The following ATCAY variants were observed in gnomAD, a reference collection of about 807,000 sequenced individuals.
ATCAY encodes ATCAY kinesin light chain interacting caytaxin, also known as caytaxin.
A neutral mutation model predicts 47.7 loss-of-function variants in ATCAY; 22 were observed. The ratio of observed to expected loss-of-function variants is 0.46; its 90% CI spans 0.33 to 0.66. The LOEUF (loss-of-function observed/expected upper bound fraction) is 0.66, where lower values mean the gene tolerates loss of function less well. Among genes scored for constraint, ATCAY ranks in the 30% least tolerant of loss-of-function variants. ATCAY has a pLI of 0.02. For missense variants in ATCAY, 452 were observed against 515.0 expected (o/e 0.88, Z 1.18); for synonymous variants, 216 against 207.6 (o/e 1.04, Z -0.35).
intron 8 of ATCAY, among the ~76,000 whole-genome samples, chr19:3,912,252 C>T (rs912787885): frequency 3.3e-5 from 5 of 152,134 alleles, no homozygotes; most frequent in African/African-American, 1.2e-4. Context: ...ATGAGAGGAT[C>T]GCTTGAGCCC....
chr19:3,893,416 G>A (rs1216283270), intron 2 of ATCAY: 3 of 152,176 alleles, frequency 2.0e-5, no homozygotes, highest in Non-Finnish European at 4.4e-5. Flanking sequence ...TTGACCTTAT[G>A]ATCCACCTGC....
At position 3,924,586 on chromosome 19, in the gene ATCAY, G is replaced by A. The variant is rs1290984596; in HGVS notation, c.1110G>A (p.Met370Ile). The stretch of plus-strand genomic sequence containing the variant: ...GCCTGTGTCTTTCCCTCCCTAGCAT[G>A]TCCTGAGGCGACGTGAGCATAACAA... Reference protein sequence around the residue: ...ALVSEDQETSMS With the variant: ...ALVSEDQETSIS The change falls in exon 13 of 13, where the codon ATG (methionine) becomes ATA (isoleucine). Residue 370 changes from methionine to isoleucine, a missense_variant. Coordinates refer to ENST00000450849, the MANE Select transcript of ATCAY (RefSeq NM_033064.5). 6.2e-7 allele frequency: 1 copy of A among 1,613,786 alleles called. No homozygotes were observed. The highest frequency in any genetic ancestry group is 1.1e-5 in the South Asian group (1 of 91,066).
rs555109850 is a variant in ATCAY at position 3,894,311 on chromosome 19, C to T, written c.78-8176C>T. Among the ~76,000 whole-genome samples, 261 of 151,850 alleles carry T rather than the reference C, an allele frequency of 1.7e-3. 2 individuals carry two copies. The highest frequency in any genetic ancestry group is 6.1e-3 in the African/African-American group (254 of 41,434). ...CATCCTGGCTAACACGGTGAAACCC[C>T]GTCTCTACTAAAAATACAAAAAATT... On this transcript the variant is annotated intron_variant, in intron 2 of 12. Transcript: ENST00000450849.
chr19:3,899,797 C>T (rs1489959846), intron 2 of ATCAY, among the ~76,000 whole-genome samples: 3 of 152,116 alleles, frequency 2.0e-5, no homozygotes, highest in Non-Finnish European at 4.4e-5. Context: ...ATGTTCTGCC[C>T]GGAATGGAAT....
intron 9 of ATCAY, 99 bp from the exon 10 acceptor site, chr19:3,917,641 AAG>A (rs1303774318): frequency 3.0e-5 from 39 of 1,311,860 alleles, no homozygotes; most frequent in Admixed American, 4.6e-5. Context: ...AGAAAGAAAA[AAG>A]AGAGCTTGTT....
chr19:3,904,323 C>G (rs1043351633), intron 3 of ATCAY, among the ~76,000 whole-genome samples: 13 of 152,018 alleles, frequency 8.6e-5, no homozygotes, highest in Admixed American at 3.3e-4. Context: ...GACTCCATCT[C>G]AAAAAAATAA....
rs529964980 is a variant in ATCAY at position 3,927,580 on chromosome 19, G to T, written c.*2988G>T. 2 of 152,400 alleles carry T rather than the reference G, an allele frequency of 1.3e-5. No individual in the cohort carries two copies. Among genetic ancestry groups the T allele is most frequent in the African/African-American group, 4.8e-5 (2 of 41,586 alleles). The allele number at this position is 152,400 out of a possible 1,614,324, so 9.4% of individuals were successfully genotyped here. A position where few individuals can be genotyped will look rare whatever the true frequency, so the allele number is the denominator to read the frequency against. On this transcript the variant is annotated 3_prime_UTR_variant, in exon 13 of 13. Coordinates refer to ENST00000450849, the MANE Select transcript of ATCAY (RefSeq NM_033064.5). ...CTGCCCCCACCAGAAACTCCAGGGGGTCCGCCCGTTATGCCGTGGCCCACC... is the reference window on the plus strand; with the variant it reads ...CTGCCCCCACCAGAAACTCCAGGGGTTCCGCCCGTTATGCCGTGGCCCACC...
chr19:3,897,601 C>T (rs1024108890), intron 2 of ATCAY, among the ~76,000 whole-genome samples: 3 of 151,732 alleles, frequency 2.0e-5, no homozygotes, highest in African/African-American at 7.2e-5. Flanking sequence ...CCAGCCAAAG[C>T]TTGCTTTTTA....
rs1475106654 is a variant in ATCAY, at chr19:3,926,327, G to T, written c.*1735G>T. The T allele has an allele frequency of 6.6e-6, 1 of 152,458 alleles. No individual in the cohort carries two copies. Among genetic ancestry groups the T allele is most frequent in the Admixed American group, 6.6e-5 (1 of 15,264 alleles). The allele number at this position is 152,458 out of a possible 1,614,324, so 9.4% of individuals were successfully genotyped here. Reference sequence around the variant, plus strand: ...GTCTCAAAATAAAAAGAAAAGAAAAGAATGGACAGTGTTTGCAGAGAGTTG... The same window carrying T: ...GTCTCAAAATAAAAAGAAAAGAAAATAATGGACAGTGTTTGCAGAGAGTTG... On this transcript the variant is annotated 3_prime_UTR_variant, in exon 13 of 13. Coordinates refer to ENST00000450849, the MANE Select transcript of ATCAY (RefSeq NM_033064.5).
intron 12 of ATCAY, 79 bp from the exon 13 acceptor site, chr19:3,924,504 G>A (rs2039049814): frequency 6.4e-7 from 1 of 1,556,540 alleles, no homozygotes; most frequent in Non-Finnish European, 8.9e-7. Context: ...TCATTGTTTT[G>A]GATTACATAC....
intron 1 of ATCAY, among the ~76,000 whole-genome samples, chr19:3,881,871 C>CG (rs200659917): frequency 3.5e-5 from 5 of 144,840 alleles, no homozygotes; most frequent in South Asian, 2.3e-4. Context: ...CCACCGCCCC[C>CG]CCCCCGACCC....
chr19:3,894,018 C>G (rs1007825959), intron 2 of ATCAY, among the ~76,000 whole-genome samples: 1 of 152,094 alleles, frequency 6.6e-6, no homozygotes, highest in African/African-American at 2.4e-5. Context: ...CTTGCCTGGT[C>G]TCTGCAGGAC....
intron 12 of ATCAY, among the ~76,000 whole-genome samples, chr19:3,922,807 T>G (rs1316972732): frequency 6.6e-6 from 1 of 152,098 alleles, no homozygotes; most frequent in Non-Finnish European, 1.5e-5. Flanking sequence ...TGCAGTGGCA[T>G]GATCTTGGCT....
At position 3,918,414 on chromosome 19, in the gene ATCAY, G is replaced by A. The variant is rs549243019; in HGVS notation, c.1002-392G>A. On this transcript the variant is annotated intron_variant, in intron 10 of 12. Transcript: ENST00000450849. The stretch of plus-strand genomic sequence containing the variant: ...AAAAAAAAAAATAAATTAGCCAGGT[G>A]TGGTGGCATGCGCCTGTAGTTCAGC... Among the ~76,000 whole-genome samples the A allele has an allele frequency of 4.6e-5, 7 of 151,754 alleles. No homozygotes were observed. In the East Asian group the frequency reaches 1.2e-3, roughly 25 times the overall value.
chr19:3,923,813 T>C (rs779860417), intron 12 of ATCAY, among the ~76,000 whole-genome samples: 10 of 130,812 alleles, frequency 7.6e-5, no homozygotes, highest in Non-Finnish European at 1.6e-4. Context: ...GGTGGGCAGA[T>C]GGATGAATGG....
intron 2 of ATCAY, among the ~76,000 whole-genome samples, chr19:3,888,998 G>A (rs950378316): frequency 4.6e-5 from 7 of 152,178 alleles, no homozygotes; most frequent in East Asian, 3.9e-4. Context: ...GGCTGGGAGC[G>A]GAGGCTGATG....
chr19:3,901,296 G>A (rs952240236), intron 2 of ATCAY, among the ~76,000 whole-genome samples: 5 of 152,192 alleles, frequency 3.3e-5, no homozygotes, highest in African/African-American at 1.2e-4. Context: ...TATTTGTTCA[G>A]TGACTTATTT....
At position 3,923,836 on chromosome 19, in the gene ATCAY, G is replaced by GTGGATGGATGGA. The variant is rs533757647; in HGVS notation, c.1107-733_1107-722dup. Among the ~76,000 whole-genome samples, 1,013 of 135,936 alleles carry GTGGATGGATGGA rather than the reference G, an allele frequency of 7.5e-3. 17 individuals carry two copies. Among genetic ancestry groups the GTGGATGGATGGA allele is most frequent in the African/African-American group, 0.027 (961 of 35,208 alleles). The allele number at this position is 135,936 out of a possible 152,430, so 89.2% of individuals were successfully genotyped here. A position where few individuals can be genotyped will look rare whatever the true frequency, so the allele number is the denominator to read the frequency against. ...GATGGATGAATGGATGGGTGGGTGG[G>GTGGATGGATGGA]TGGATGGATGGATGGATGGATGGAT... is the stretch of plus-strand genomic sequence containing the variant. On this transcript the variant is annotated intron_variant, in intron 12 of 12. Coordinates refer to ENST00000450849, the MANE Select transcript of ATCAY (RefSeq NM_033064.5).
Position 3,902,557 on chromosome 19 carries a change from C to G in ATCAY, c.136+12C>G, listed in dbSNP as rs754044132. ...GGAAGACACATCCTGTAAGTTTCCA[C>G]GTCCACAGAAGGGCGGAAACAGGCT... On this transcript the variant is annotated intron_variant, in intron 3 of 12. Coordinates refer to ENST00000450849, the MANE Select transcript of ATCAY (RefSeq NM_033064.5). 1 of 1,563,116 alleles carries G rather than the reference C, an allele frequency of 6.4e-7. No homozygotes were observed. Among genetic ancestry groups the G allele is most frequent in the Admixed American group, 1.9e-5 (1 of 52,440 alleles).
Sources: gnomAD v4.1 joint callset for allele counts (sites outside exome capture counted in the v4.1 genomes callset) on GRCh38, gnomAD v4.1.1 for gene constraint, MANE v1.5 for transcripts, NCBI Gene and HGNC (gene_info 2026-07-23, HGNC 2026-07-21) for gene names.